ROBO1: variants seen among roughly 807,000 people sequenced by gnomAD.
The protein encoded by ROBO1 is roundabout guidance receptor 1.
Under a neutral mutation model 195.9 loss-of-function variants are expected in ROBO1, and 149 were observed. That is an observed-to-expected ratio of 0.76 (90% CI 0.67 to 0.87). The LOEUF (loss-of-function observed/expected upper bound fraction) is 0.87. Among genes scored for constraint, ROBO1 ranks in the 40% least tolerant of loss-of-function variants. ROBO1 has a pLI of 0.00. For synonymous variants in ROBO1, 816 were observed against 733.2 expected (o/e 1.11, Z -1.82); for missense variants, 1,933 against 2,068.3 (o/e 0.93, Z 1.27).
rs1225084913 is a variant in ROBO1 at position 78,600,161 on chromosome 3, C to G, written c.4893G>C (p.Gln1631His). The G allele has an allele frequency of 3.1e-6, 5 of 1,613,386 alleles. No individual in the cohort carries two copies. Among genetic ancestry groups the G allele is most frequent in the Non-Finnish European group, 4.2e-6 (5 of 1,179,536 alleles). Reference sequence around the variant, plus strand: ...CTCCTCTTTCATATCCTCCAAGTACCTGCATTTCTGCAATATTTCTTCGAC... The same window carrying G: ...CTCCTCTTTCATATCCTCCAAGTACGTGCATTTCTGCAATATTTCTTCGAC... ...NVGRRNIAEM[Q>H]VLGGYERGED... The change falls in exon 30 of 31, where the codon CAG (glutamine) becomes CAC (histidine). Residue 1631 changes from glutamine (Q) to histidine (H), a missense_variant. Transcript: ENST00000464233.
chr3:78,643,988 G>A (rs1005515586), intron 21 of ROBO1, among the ~76,000 whole-genome samples: 3 of 152,008 alleles, frequency 2.0e-5, no homozygotes, highest in Non-Finnish European at 2.9e-5. Flanking sequence ...ACTATGTGAG[G>A]TAGGAGGTCC....
intron 3 of ROBO1, among the ~76,000 whole-genome samples, chr3:78,977,167 T>C (rs2076901370): frequency 6.6e-6 from 1 of 152,164 alleles, no homozygotes; most frequent in Non-Finnish European, 1.5e-5. Flanking sequence ...CCCAAACCAC[T>C]TACCTTGTCA....
intron 2 of ROBO1, among the ~76,000 whole-genome samples, chr3:79,174,724 C>T (rs543240274): frequency 3.3e-5 from 5 of 151,196 alleles, no homozygotes; most frequent in South Asian, 4.2e-4. Context: ...AAAAACTGGT[C>T]GGTCATGTGT....
At chr3:79,037,571 T>C (rs1474221501) in intron 3 of ROBO1, among the ~76,000 whole-genome samples, 2 of 152,188 alleles carry the variant, frequency 1.3e-5, no homozygotes, top group East Asian at 3.9e-4. Context: ...CATATATTAC[T>C]AAGGGATTTT....
intron 4 of ROBO1, chr3:78,759,476 A>T (rs2083035297): frequency 6.6e-6 from 1 of 152,208 alleles, no homozygotes; most frequent in Admixed American, 6.5e-5. Flanking sequence ...ATTGAGTTAA[A>T]AAATAAAATC....
chr3:79,336,952 G>T (rs1187063418), intron 2 of ROBO1, among the ~76,000 whole-genome samples: 1 of 152,158 alleles, frequency 6.6e-6, no homozygotes, highest in African/African-American at 2.4e-5. Flanking sequence ...TTAATGTTTA[G>T]TTAAAGTTTA....
At chr3:79,211,636 G>T (rs1278731178) in intron 2 of ROBO1, among the ~76,000 whole-genome samples, 1 of 152,182 alleles carries the variant, frequency 6.6e-6, no homozygotes, top group Non-Finnish European at 1.5e-5. Context: ...GGGGATGGAC[G>T]TGTCAGGTAA....
intron 1 of ROBO1, among the ~76,000 whole-genome samples, chr3:79,657,614 T>C (rs79522518): frequency 6.6e-6 from 1 of 152,074 alleles, no homozygotes; most frequent in Non-Finnish European, 1.5e-5. Flanking sequence ...ATAAGGAGAA[T>C]GGCACCATTT....
chr3:78,632,464 CTG>C lies in ROBO1; in HGVS notation c.3482-1161_3482-1160del, dbSNP rs549312846. ...ACTCCGGTGTCCAGCATTGGGATAACTGTGCATGTGTTGTAGACTAGACATTA... is the reference window on the plus strand; with the variant it reads ...ACTCCGGTGTCCAGCATTGGGATAACTGCATGTGTTGTAGACTAGACATTA... On this transcript the variant is annotated intron_variant, in intron 24 of 30. Transcript: ENST00000464233. Among the ~76,000 whole-genome samples, 374 of 152,314 alleles carry C rather than the reference CTG, an allele frequency of 2.5e-3. 3 individuals are homozygous for C. The highest frequency in any genetic ancestry group is 2.2e-3 in the Non-Finnish European group (150 of 68,034).
At chr3:79,409,425 T>G (rs1181289572) in intron 2 of ROBO1, among the ~76,000 whole-genome samples, 2 of 152,156 alleles carry the variant, frequency 1.3e-5, no homozygotes, top group East Asian at 3.9e-4. Context: ...AATTATATTA[T>G]GCAACTCTCC....
chr3:78,818,137 T>C (rs1295309699), intron 4 of ROBO1, among the ~76,000 whole-genome samples: 1 of 152,116 alleles, frequency 6.6e-6, no homozygotes, highest in African/African-American at 2.4e-5. Flanking sequence ...CCTCAATCTT[T>C]TATAAGGAGG....
chr3:79,177,394 C>T (rs1056054247), intron 2 of ROBO1, among the ~76,000 whole-genome samples: 2 of 152,176 alleles, frequency 1.3e-5, no homozygotes, highest in South Asian at 2.1e-4. Flanking sequence ...ACAGACCAGA[C>T]CCCTTTCTAG....
intron 3 of ROBO1, among the ~76,000 whole-genome samples, chr3:78,945,436 T>C (rs907942513): frequency 3.3e-5 from 5 of 152,108 alleles, no homozygotes; most frequent in Non-Finnish European, 7.4e-5. Flanking sequence ...TAGCAAACTC[T>C]AACAGACCTG....
At chr3:79,215,362 A>G (rs576162523) in intron 2 of ROBO1, among the ~76,000 whole-genome samples, 9 of 152,122 alleles carry the variant, frequency 5.9e-5, no homozygotes, top group African/African-American at 2.2e-4. Context: ...CCCCTACACC[A>G]CTTATTTGCT....
intron 3 of ROBO1, among the ~76,000 whole-genome samples, chr3:79,085,761 ACT>A (rs769032510): frequency 2.6e-5 from 4 of 152,072 alleles, no homozygotes; most frequent in Non-Finnish European, 5.9e-5. Context: ...GACAAGAGAA[ACT>A]CTGCTTAGTC....
intron 2 of ROBO1, among the ~76,000 whole-genome samples, chr3:79,166,135 CTCTT>C (rs1478528513): frequency 6.6e-6 from 1 of 152,180 alleles, no homozygotes; most frequent in African/African-American, 2.4e-5. Context: ...CTGGTTCTCT[CTCTT>C]TGACTGAACC....
chr3:79,455,850 T>C (rs2039603051), intron 2 of ROBO1, among the ~76,000 whole-genome samples: 1 of 152,140 alleles, frequency 6.6e-6, no homozygotes, highest in Non-Finnish European at 1.5e-5. Flanking sequence ...CTAAGAATGA[T>C]TACCGAATAC....
At chr3:79,389,088 A>G (rs2036856136) in intron 2 of ROBO1, among the ~76,000 whole-genome samples, 1 of 152,008 alleles carries the variant, frequency 6.6e-6, no homozygotes, top group Middle Eastern at 3.2e-3. Context: ...TAAAATTTGG[A>G]TGGGAGCAAG....
intron 3 of ROBO1, among the ~76,000 whole-genome samples, chr3:79,009,198 C>T (rs1293079723): frequency 6.6e-6 from 1 of 150,590 alleles, no homozygotes; most frequent in Non-Finnish European, 1.5e-5. Flanking sequence ...AGGTGATCCA[C>T]CCGCCTCAGC....
Sources: gnomAD v4.1 joint callset for allele counts (sites outside exome capture counted in the v4.1 genomes callset) on GRCh38, gnomAD v4.1.1 for gene constraint, MANE v1.5 for transcripts, NCBI Gene and HGNC (gene_info 2026-07-23, HGNC 2026-07-21) for gene names.